Variants in KCNT2 observed in about 807,000 individuals in gnomAD.
KCNT2 encodes the protein potassium sodium-activated channel subfamily T member 2.
In KCNT2, 67 loss-of-function variants were observed where a neutral mutation model predicts 153.8. The ratio of observed to expected loss-of-function variants is 0.44; its 90% CI spans 0.36 to 0.53. KCNT2 has a LOEUF of 0.53. Among genes scored for constraint, KCNT2 ranks in the 20% least tolerant of loss-of-function variants. KCNT2 has a pLI of 0.00. For missense variants in KCNT2, 975 were observed against 1,354.8 expected, an observed-to-expected ratio of 0.72 and a Z score of 4.40; for synonymous variants, 500 against 458.8, an observed-to-expected ratio of 1.09 and a Z score of -1.15.
At chr1:196,484,589 A>T (rs1464057609) in intron 3 of KCNT2, among the ~76,000 whole-genome samples, 1 of 152,068 alleles carries the variant, frequency 6.6e-6, no homozygotes, top group Non-Finnish European at 1.5e-5. Context: ...TTTTGTCATG[A>T]AGTCTTTGCC....
At chr1:196,587,489 A>G (rs1326372608) in intron 1 of KCNT2, among the ~76,000 whole-genome samples, 1 of 152,190 alleles carries the variant, frequency 6.6e-6, no homozygotes, top group African/African-American at 2.4e-5. Flanking sequence ...AATTGCTACC[A>G]TAATAATCAT....
chr1:196,468,740 C>T (rs1483879812), intron 6 of KCNT2, among the ~76,000 whole-genome samples: 1 of 151,978 alleles, frequency 6.6e-6, no homozygotes, highest in Non-Finnish European at 1.5e-5. Flanking sequence ...ACAACAATGA[C>T]ATTTGTCAAA....
At chr1:196,325,364 A>G (rs562140716) in intron 19 of KCNT2, among the ~76,000 whole-genome samples, 5 of 152,240 alleles carry the variant, frequency 3.3e-5, no homozygotes, top group African/African-American at 1.2e-4. Context: ...CAACGTTTGC[A>G]AATGCCATTG....
rs375924111 is a variant in KCNT2, at chr1:196,492,232, G to A, written c.175+30C>T. The A allele has an allele frequency of 1.7e-5, 23 of 1,388,210 alleles. No individual in the cohort carries two copies. The East Asian group carries it at 4.2e-4, about 25-fold the overall frequency. 86.0% of individuals were successfully genotyped at this position (1,388,210 alleles called of 1,614,324 possible). On this transcript the variant is annotated intron_variant, in intron 2 of 27. Coordinates refer to ENST00000294725, the MANE Select transcript of KCNT2 (RefSeq NM_198503.5). Reference sequence around the variant, plus strand: ...AATATTTTGAAGTAAATATATGTACGAACAGAGGGGAATGAAATGAATAAC... The same window carrying A: ...AATATTTTGAAGTAAATATATGTACAAACAGAGGGGAATGAAATGAATAAC...
chr1:196,415,049 A>T (rs767106535), intron 12 of KCNT2, among the ~76,000 whole-genome samples: 15 of 151,934 alleles, frequency 9.9e-5, no homozygotes, highest in Non-Finnish European at 1.9e-4. Flanking sequence ...GTTTAATCAC[A>T]AAGGAGGAAT....
chr1:196,339,781 T>C (rs1356605566), intron 16 of KCNT2, among the ~76,000 whole-genome samples: 3 of 152,062 alleles, frequency 2.0e-5, no homozygotes, highest in African/African-American at 4.8e-5. Flanking sequence ...GAAATTCTTA[T>C]TTGCATGGAG....
At position 196,337,543 on chromosome 1, in the gene KCNT2, G is replaced by A. The variant is rs868096115; in HGVS notation, c.1783+2798C>T. The stretch of plus-strand genomic sequence containing the variant: ...GGATCTGGCCTCTTTCTACCTGTTC[G>A]TCCTCATCTCCTACTATTCTTCCAG... On this transcript the variant is annotated intron_variant, in intron 16 of 27. Coordinates refer to ENST00000294725, the MANE Select transcript of KCNT2 (RefSeq NM_198503.5). Among the ~76,000 whole-genome samples the A allele has an allele frequency of 6.6e-5, 10 of 152,076 alleles. 1 individual carries two copies. The highest frequency in any genetic ancestry group is 6.8e-3 in the Middle Eastern group (2 of 294).
chr1:196,490,161 A>C (rs1347916624), intron 2 of KCNT2, among the ~76,000 whole-genome samples: 1 of 151,904 alleles, frequency 6.6e-6, no homozygotes, highest in Admixed American at 6.6e-5. Flanking sequence ...TGCAAATGAG[A>C]GTGCATATTT....
intron 12 of KCNT2, among the ~76,000 whole-genome samples, chr1:196,402,384 C>A (rs1404902613): frequency 1.3e-5 from 2 of 151,238 alleles, no homozygotes; most frequent in East Asian, 3.9e-4. Context: ...TTATATCTAA[C>A]AACAATAACA....
At chr1:196,392,087 T>C (rs1386148431) in intron 13 of KCNT2, among the ~76,000 whole-genome samples, 1 of 151,360 alleles carries the variant, frequency 6.6e-6, no homozygotes, top group Non-Finnish European at 1.5e-5. Context: ...TCCGCTGATA[T>C]AAAAATATGT....
At chr1:196,243,586 G>A (rs1031765613) in intron 26 of KCNT2, among the ~76,000 whole-genome samples, 1 of 152,116 alleles carries the variant, frequency 6.6e-6, no homozygotes, top group African/African-American at 2.4e-5. Context: ...ATGCTGCCCT[G>A]GAACAGTGGT....
intron 22 of KCNT2, among the ~76,000 whole-genome samples, chr1:196,290,703 G>T (rs1284737357): frequency 6.6e-6 from 1 of 151,660 alleles, no homozygotes; most frequent in Non-Finnish European, 1.5e-5. Flanking sequence ...TCTCACTAAG[G>T]TCAGTTATTT....
At chr1:196,315,666 A>G (rs1050572571) in intron 21 of KCNT2, among the ~76,000 whole-genome samples, 4 of 151,782 alleles carry the variant, frequency 2.6e-5, no homozygotes, top group African/African-American at 9.7e-5. Context: ...GAGAAAATAG[A>G]TATATCATTC....
intron 19 of KCNT2, among the ~76,000 whole-genome samples, 195 bp from the exon 20 acceptor site, chr1:196,319,750 C>A (rs1663098047): frequency 6.6e-6 from 1 of 151,644 alleles, no homozygotes; most frequent in South Asian, 2.1e-4. Context: ...AAAATGCCCT[C>A]AGAATTATAA....
intron 1 of KCNT2, among the ~76,000 whole-genome samples, chr1:196,596,054 G>A (rs1364330134): frequency 1.2e-4 from 16 of 138,558 alleles, no homozygotes; most frequent in African/African-American, 5.3e-4. Context: ...ATTCCATGAT[G>A]TGTATATATA....
At chr1:196,464,398 G>A (rs551706602) in intron 8 of KCNT2, among the ~76,000 whole-genome samples, 9 of 151,874 alleles carry the variant, frequency 5.9e-5, no homozygotes, top group African/African-American at 1.7e-4. Flanking sequence ...AAACCATTTC[G>A]TAGAGTTACT....
At chr1:196,518,080 A>G (rs1351125557) in intron 1 of KCNT2, among the ~76,000 whole-genome samples, 1 of 152,186 alleles carries the variant, frequency 6.6e-6, no homozygotes, top group East Asian at 1.9e-4. Flanking sequence ...CAGAAACCCT[A>G]CTAACCAGCA....
intron 14 of KCNT2, among the ~76,000 whole-genome samples, chr1:196,355,863 G>C (rs1000316148): frequency 2.0e-5 from 3 of 151,696 alleles, no homozygotes; most frequent in Non-Finnish European, 3.0e-5. Flanking sequence ...AAATTTTATA[G>C]CTACATTGTA....
chr1:196,229,283 A>G (rs140805029), intron 27 of KCNT2, among the ~76,000 whole-genome samples: 89 of 152,058 alleles, frequency 5.9e-4, no homozygotes, highest in Admixed American at 2.6e-3. Context: ...TTCCATTGTA[A>G]TTATATCTGT....
Sources: gnomAD v4.1 joint callset for allele counts (sites outside exome capture counted in the v4.1 genomes callset) on GRCh38, gnomAD v4.1.1 for gene constraint, MANE v1.5 for transcripts, NCBI Gene and HGNC (gene_info 2026-07-23, HGNC 2026-07-21) for gene names.